The following TMEM266 variants were observed in gnomAD, a reference collection of about 807,000 sequenced individuals.
TMEM266 encodes transmembrane protein 266.
A neutral mutation model predicts 50.5 loss-of-function variants in TMEM266; 33 were observed. That is an observed-to-expected ratio of 0.65 (90% CI 0.50 to 0.87). The LOEUF (loss-of-function observed/expected upper bound fraction) is 0.87, where lower values mean the gene tolerates loss of function less well. Ranked by LOEUF, TMEM266 falls within the 40% of genes least tolerant of loss-of-function variation. The pLI is 0.00. For missense variants in TMEM266, 655 were observed against 695.1 expected, an observed-to-expected ratio of 0.94 and a Z score of 0.65; for synonymous variants, 310 against 292.3, an observed-to-expected ratio of 1.06 and a Z score of -0.62.
At chr15:76,190,743 T>C (rs1470455383) in intron 8 of TMEM266, among the ~76,000 whole-genome samples, 2 of 152,136 alleles carry the variant, frequency 1.3e-5, no homozygotes, top group African/African-American at 4.8e-5. Context: ...CCTGTGAAAG[T>C]GATACTGTCG....
At chr15:76,141,208 T>A (rs1334317896) in intron 3 of TMEM266, among the ~76,000 whole-genome samples, 1 of 151,632 alleles carries the variant, frequency 6.6e-6, no homozygotes, top group African/African-American at 2.4e-5. Context: ...CCAGCTACCC[T>A]GTCCAATGCC....
intron 5 of TMEM266, among the ~76,000 whole-genome samples, chr15:76,165,920 C>T (rs993385972): frequency 2.6e-5 from 4 of 152,166 alleles, no homozygotes; most frequent in African/African-American, 4.8e-5. Flanking sequence ...CACATCCCTG[C>T]GGTTCCGTCG....
intron 1 of TMEM266, among the ~76,000 whole-genome samples, chr15:76,084,175 G>A (rs2036737134): frequency 6.6e-6 from 1 of 152,088 alleles, no homozygotes; most frequent in South Asian, 2.1e-4. Context: ...TTAGCCTGGT[G>A]TGGTGATACA....
intron 8 of TMEM266, among the ~76,000 whole-genome samples, chr15:76,177,271 G>C (rs1414127211): frequency 6.6e-6 from 1 of 152,246 alleles, no homozygotes; most frequent in Non-Finnish European, 1.5e-5. Context: ...CCAGCACTCC[G>C]CGCGTTGTAG....
intron 1 of TMEM266, among the ~76,000 whole-genome samples, chr15:76,111,324 C>A (rs1276568225): frequency 1.3e-5 from 2 of 151,502 alleles, no homozygotes; most frequent in Non-Finnish European, 2.9e-5. Context: ...CAGTGATCCG[C>A]CTTGGCCTTC....
intron 6 of TMEM266, 52 bp from the exon 7 acceptor site, chr15:76,170,941 G>A (rs942964046): frequency 1.1e-5 from 18 of 1,569,360 alleles, no homozygotes; most frequent in Non-Finnish European, 2.6e-6. Context: ...CTGACCCCTG[G>A]TCCCGGACAC....
At chr15:76,078,708 T>C (rs967316172) in intron 1 of TMEM266, among the ~76,000 whole-genome samples, 3 of 152,222 alleles carry the variant, frequency 2.0e-5, no homozygotes, top group African/African-American at 4.8e-5. Flanking sequence ...CTGCCAGGGC[T>C]GGAGACTTCC....
intron 1 of TMEM266, among the ~76,000 whole-genome samples, chr15:76,103,803 T>G (rs1270892213): frequency 6.6e-6 from 1 of 151,838 alleles, no homozygotes; most frequent in Non-Finnish European, 1.5e-5. Context: ...TCCCAGCTAC[T>G]TGGGAGGCTG....
At chr15:76,117,247 A>T (rs934370634) in intron 1 of TMEM266, among the ~76,000 whole-genome samples, 2 of 149,772 alleles carry the variant, frequency 1.3e-5, no homozygotes, top group African/African-American at 2.5e-5. Flanking sequence ...CAGTGTGTAC[A>T]TTTTTTTTTT....
At position 76,203,962 on chromosome 15, in the gene TMEM266, C is replaced by G; in HGVS notation, c.1243C>G (p.Arg415Gly). ...CTCCTCCATGGACTGCAGCACTGCC[C>G]GCGAGGAGCCGTCCTCTGAGCCCGG... The change falls in exon 11 of 11, where the codon CGC becomes GGC. Residue 415 changes from arginine (R) to glycine (G), a missense_variant. Arg to Gly is a moderately radical substitution (Grantham distance 125). This residue lies in a region of TMEM266 where 455 missense variants were observed against 401.8 expected (regional missense o/e 1.13). Transcript: ENST00000388942. 3 of 1,611,992 alleles carry G rather than the reference C, an allele frequency of 1.9e-6. 1 individual carries two copies. The South Asian group carries it at 3.3e-5, about 18-fold the overall frequency.
intron 1 of TMEM266, among the ~76,000 whole-genome samples, chr15:76,124,857 A>G (rs905553943): frequency 6.6e-5 from 10 of 152,138 alleles, no homozygotes; most frequent in African/African-American, 2.4e-4. Flanking sequence ...TAAAATTTGT[A>G]TGGAACCACA....
chr15:76,198,317 A>G (rs2038686893), intron 9 of TMEM266, among the ~76,000 whole-genome samples: 7 of 152,184 alleles, frequency 4.6e-5, no homozygotes, highest in Admixed American at 4.6e-4. Flanking sequence ...TGCACAGCAC[A>G]GTCCCTTGGG....
At chr15:76,201,910 C>T (rs867540367) in intron 9 of TMEM266, among the ~76,000 whole-genome samples, 7 of 152,346 alleles carry the variant, frequency 4.6e-5, no homozygotes, top group Middle Eastern at 3.4e-3. Flanking sequence ...TTCCACACCC[C>T]TCATCTCAGA....
chr15:76,087,808 C>T (rs2036796245), intron 1 of TMEM266, among the ~76,000 whole-genome samples: 1 of 152,120 alleles, frequency 6.6e-6, no homozygotes, highest in Non-Finnish European at 1.5e-5. Flanking sequence ...GGGCTGATGT[C>T]AAATGCTGTA....
At chr15:76,169,760 C>G (rs1237521502) in intron 5 of TMEM266, 56 bp from the exon 6 acceptor site, 1 of 1,566,640 alleles carries the variant, frequency 6.4e-7, no homozygotes, top group Non-Finnish European at 8.8e-7. Flanking sequence ...GCTCTGGAAT[C>G]TTCTCGGCTG....
chr15:76,182,123 C>T (rs2038420154), intron 8 of TMEM266, among the ~76,000 whole-genome samples: 2 of 152,128 alleles, frequency 1.3e-5, no homozygotes, highest in Admixed American at 1.3e-4. Context: ...AAAGGTGAGT[C>T]CCTTGTCGGG....
In TMEM266 at chr15:76,204,033, C is replaced by T. The variant is rs150019759; in HGVS notation, c.1314C>T (p.Ala438=). The T allele has an allele frequency of 3.6e-5, 58 of 1,610,512 alleles. No homozygotes were observed. The highest frequency in any genetic ancestry group is 4.8e-5 in the Non-Finnish European group (56 of 1,177,632). The change falls in exon 11 of 11, where the codon GCC becomes GCT. Residue 438 remains alanine, a synonymous_variant. Transcript: ENST00000388942. The stretch of plus-strand genomic sequence containing the variant: ...CATCCCAGCAGCAGGTGGAGGAGGC[C>T]ACAGTCCAGGACCTGCTGTCCTCCC...
At chr15:76,152,315 C>T (rs974559747) in intron 3 of TMEM266, among the ~76,000 whole-genome samples, 3 of 152,244 alleles carry the variant, frequency 2.0e-5, no homozygotes, top group Non-Finnish European at 4.4e-5. Flanking sequence ...AGGGGTGGGT[C>T]GCTGAGGGCA....
At chr15:76,097,259 T>TTAG (rs1187618436) in intron 1 of TMEM266, among the ~76,000 whole-genome samples, 1 of 152,078 alleles carries the variant, frequency 6.6e-6, no homozygotes, top group African/African-American at 2.4e-5. Flanking sequence ...TACTGGTTGT[T>TTAG]CCTTTCCATG....
Sources: allele counts gnomAD v4.1 joint callset (sites outside exome capture counted in the v4.1 genomes callset), GRCh38; gene constraint gnomAD v4.1.1; regional missense constraint gnomAD v4.1.1; transcripts MANE v1.5; gene names NCBI Gene and HGNC (gene_info 2026-07-23, HGNC 2026-07-21).